Variants in CHST11 observed in about 807,000 individuals in gnomAD.
CHST11 encodes the protein carbohydrate sulfotransferase 11.
A neutral mutation model predicts 30.4 loss-of-function variants in CHST11; 9 were observed. The observed-to-expected ratio is 0.30, with a 90% CI of 0.18 to 0.52. The LOEUF is 0.52. Ranked by LOEUF, CHST11 falls within the 20% of genes least tolerant of loss-of-function variation. CHST11 has a pLI of 0.97. For missense variants in CHST11, 348 were observed against 460.6 expected (o/e 0.76, Z 2.24); for synonymous variants, 152 against 187.8 (o/e 0.81, Z 1.56).
At chr12:104,586,507 C>A (rs2038805482) in intron 1 of CHST11, among the ~76,000 whole-genome samples, 1 of 152,208 alleles carries the variant, frequency 6.6e-6, no homozygotes, top group African/African-American at 2.4e-5. Context: ...TAATGCCCCG[C>A]CATGCTTGAG....
chr12:104,646,913 AG>A (rs1232355916), intron 2 of CHST11, among the ~76,000 whole-genome samples: 1 of 152,184 alleles, frequency 6.6e-6, no homozygotes. Flanking sequence ...GTACCATGCT[AG>A]TTGCTGAGGA....
chr12:104,622,736 G>A lies in CHST11; in HGVS notation c.204+20745G>A, dbSNP rs546162949. On this transcript the variant is annotated intron_variant, in intron 2 of 2. Transcript: ENST00000303694. Reference sequence around the variant, plus strand: ...TGCCTCAGTTTCCTCATCTCCCAATGTAAGGATAATGTACCTACCTCACAG... The same window carrying A: ...TGCCTCAGTTTCCTCATCTCCCAATATAAGGATAATGTACCTACCTCACAG... 1.1e-4 allele frequency among the ~76,000 whole-genome samples: 17 copies of A among 152,294 alleles called. No homozygotes were observed. In the South Asian group the frequency reaches 3.5e-3, roughly 32 times the overall value.
intron 1 of CHST11, among the ~76,000 whole-genome samples, chr12:104,546,580 A>G (rs2038352968): frequency 1.3e-5 from 2 of 152,114 alleles, no homozygotes; most frequent in Admixed American, 6.6e-5. Flanking sequence ...TTGCTTCAAT[A>G]TGGATGGAAA....
At chr12:104,639,020 A>G (rs1256941760) in intron 2 of CHST11, among the ~76,000 whole-genome samples, 1 of 152,190 alleles carries the variant, frequency 6.6e-6, no homozygotes, top group Admixed American at 6.5e-5. Flanking sequence ...AAGCTTGAAA[A>G]TGTCAGTCTT....
At chr12:104,579,074 A>G (rs1218699599) in intron 1 of CHST11, among the ~76,000 whole-genome samples, 1 of 152,234 alleles carries the variant, frequency 6.6e-6, no homozygotes, top group Admixed American at 6.5e-5. Flanking sequence ...GGGCTTGGTT[A>G]CATGCCCCTG....
chr12:104,620,749 C>A (rs1158749837), intron 2 of CHST11, among the ~76,000 whole-genome samples: 1 of 152,124 alleles, frequency 6.6e-6, no homozygotes, highest in Non-Finnish European at 1.5e-5. Context: ...GTGTCAGAGA[C>A]TAGCATAGAA....
At chr12:104,501,911 G>T (rs1341522008) in intron 1 of CHST11, among the ~76,000 whole-genome samples, 1 of 152,204 alleles carries the variant, frequency 6.6e-6, no homozygotes, top group Non-Finnish European at 1.5e-5. Flanking sequence ...CTGATTTTAG[G>T]GTAAGGCACA....
At chr12:104,749,081 G>A (rs79647538) in intron 2 of CHST11, among the ~76,000 whole-genome samples, 2,555 of 152,306 alleles carry the variant, frequency 0.017, 30 homozygotes, top group East Asian at 0.049. Context: ...GATGTGGTAT[G>A]TGTGAAAGTG....
chr12:104,528,256 G>A (rs1795874), intron 1 of CHST11, among the ~76,000 whole-genome samples: 10,252 of 152,238 alleles, frequency 0.067, 822 homozygotes, highest in East Asian at 0.43. Flanking sequence ...TCAGGTAAGC[G>A]TATTTTCAAG....
chr12:104,751,791 A>C (rs1299102682), intron 2 of CHST11, among the ~76,000 whole-genome samples: 1 of 152,252 alleles, frequency 6.6e-6, no homozygotes, highest in African/African-American at 2.4e-5. Context: ...TTGCAAATAG[A>C]GGAACTGAGA....
chr12:104,523,386 C>A (rs1555229905), intron 1 of CHST11, among the ~76,000 whole-genome samples: 1 of 152,206 alleles, frequency 6.6e-6, no homozygotes, highest in Non-Finnish European at 1.5e-5. Flanking sequence ...CTGGAAGTGT[C>A]ATATAGATGG....
intron 1 of CHST11, among the ~76,000 whole-genome samples, chr12:104,521,910 T>C (rs2038077007): frequency 6.6e-6 from 1 of 152,156 alleles, no homozygotes; most frequent in South Asian, 2.1e-4. Context: ...TGGGGCAGGC[T>C]GAACTACAGG....
At chr12:104,723,508 G>C (rs1008789974) in intron 2 of CHST11, among the ~76,000 whole-genome samples, 2 of 152,344 alleles carry the variant, frequency 1.3e-5, no homozygotes, top group Admixed American at 1.3e-4. Flanking sequence ...ATCACTCCCT[G>C]TTTTAGTTTT....
At chr12:104,569,614 A>G (rs1313153100) in intron 1 of CHST11, among the ~76,000 whole-genome samples, 1 of 152,178 alleles carries the variant, frequency 6.6e-6, no homozygotes, top group Non-Finnish European at 1.5e-5. Context: ...TGCCTGGGGT[A>G]AGAACATAAT....
chr12:104,652,971 G>A (rs1377133229), intron 2 of CHST11, among the ~76,000 whole-genome samples: 2 of 152,188 alleles, frequency 1.3e-5, no homozygotes, highest in African/African-American at 4.8e-5. Flanking sequence ...ATCTAGGGAG[G>A]CAGTGAGCTT....
intron 1 of CHST11, among the ~76,000 whole-genome samples, chr12:104,504,342 G>A (rs1017008265): frequency 6.6e-6 from 1 of 152,216 alleles, no homozygotes; most frequent in African/African-American, 2.4e-5. Flanking sequence ...CACCGGGGTG[G>A]ACTCAGGCGC....
At chr12:104,679,342 C>T (rs549834959) in intron 2 of CHST11, among the ~76,000 whole-genome samples, 7 of 151,674 alleles carry the variant, frequency 4.6e-5, no homozygotes, top group South Asian at 4.2e-4. Flanking sequence ...GAAGGGAGAC[C>T]GAGGGCATAT....
intron 2 of CHST11, among the ~76,000 whole-genome samples, chr12:104,604,545 G>A (rs2038985244): frequency 1.3e-5 from 2 of 152,144 alleles, no homozygotes; most frequent in African/African-American, 4.8e-5. Flanking sequence ...GAGGAGAGAA[G>A]GGAGTGAGAG....
At chr12:104,665,197 C>T (rs1336922596) in intron 2 of CHST11, among the ~76,000 whole-genome samples, 2 of 152,174 alleles carry the variant, frequency 1.3e-5, no homozygotes, top group Non-Finnish European at 2.9e-5. Flanking sequence ...TCTGATTCTA[C>T]CCCATTTATT....
Sources: gnomAD v4.1 joint callset for allele counts (sites outside exome capture counted in the v4.1 genomes callset) on GRCh38, gnomAD v4.1.1 for gene constraint, MANE v1.5 for transcripts, NCBI Gene and HGNC (gene_info 2026-07-23, HGNC 2026-07-21) for gene names.